The following LY75 variants were observed in gnomAD, a reference collection of about 807,000 sequenced individuals.
LY75 encodes the protein C-type lectin domain family 13 member B.
A neutral mutation model predicts 231.7 loss-of-function variants in LY75; 185 were observed. The observed-to-expected ratio is 0.80, with a 90% CI of 0.71 to 0.90. The LOEUF (loss-of-function observed/expected upper bound fraction) is 0.90. Ranked by LOEUF, LY75 falls within the 40% of genes least tolerant of loss-of-function variation. The pLI is 0.00. For missense variants in LY75, 1,947 were observed against 2,050.2 expected, an observed-to-expected ratio of 0.95 and a Z score of 0.97; for synonymous variants, 668 against 689.0, an observed-to-expected ratio of 0.97 and a Z score of 0.48.
At chr2:159,815,018 T>TTTTTG (rs1683074407) in intron 31 of LY75, among the ~76,000 whole-genome samples, 1 of 95,046 alleles carries the variant, frequency 1.1e-5, no homozygotes. Context: ...TTTTTTTTTT[T>TTTTTG]GAGACGGAGT....
chr2:159,817,918 G>A (rs1387281842), intron 29 of LY75, among the ~76,000 whole-genome samples: 1 of 151,946 alleles, frequency 6.6e-6, no homozygotes, highest in Non-Finnish European at 1.5e-5. Flanking sequence ...GCATGGTGGG[G>A]CGTGCCTGTA....
At position 159,894,054 on chromosome 2, in the gene LY75, C is replaced by T. The variant is rs759459979; in HGVS notation, c.497G>A (p.Gly166Glu). The T allele has an allele frequency of 1.1e-5, 18 of 1,612,926 alleles. No individual in the cohort carries two copies. Among genetic ancestry groups the T allele is most frequent in the Non-Finnish European group, 1.5e-5 (18 of 1,179,398 alleles). ...TAAGAATGGAAATTCACAAGGTCTC[C>T]CATAAGAGTTCCCATCTCTGGTATA... ...EIYTRDGNSYGRPCEFPFLID... is the reference protein window; with the variant it reads ...EIYTRDGNSYERPCEFPFLID... The change falls in exon 3 of 35, where the codon GGG (glycine) becomes GAG (glutamate). Residue 166 changes from glycine (G) to glutamate (E), a missense_variant. Physicochemically the swap from Gly to Glu is moderately conservative, Grantham distance 98 (BLOSUM62 -2). Coordinates refer to ENST00000263636, the MANE Select transcript of LY75 (RefSeq NM_002349.4).
intron 1 of LY75, among the ~76,000 whole-genome samples, chr2:159,901,970 G>A (rs1189657649): frequency 1.3e-5 from 2 of 152,136 alleles, no homozygotes; most frequent in Non-Finnish European, 2.9e-5. Flanking sequence ...TCAGTCTTAC[G>A]ACCCTTATTG....
At chr2:159,869,252 A>C (rs1017606814) in intron 13 of LY75, among the ~76,000 whole-genome samples, 1 of 152,008 alleles carries the variant, frequency 6.6e-6, no homozygotes, top group Non-Finnish European at 1.5e-5. Flanking sequence ...TACATACGTA[A>C]CAAACCAGCA....
At chr2:159,885,732 T>G (rs1685564467) in intron 5 of LY75, among the ~76,000 whole-genome samples, 1 of 152,228 alleles carries the variant, frequency 6.6e-6, no homozygotes, top group African/African-American at 2.4e-5. Context: ...TAAGGAAATT[T>G]AGCAAACTAA....
At chr2:159,857,824 T>C (rs1394409322) in intron 16 of LY75, among the ~76,000 whole-genome samples, 3 of 152,190 alleles carry the variant, frequency 2.0e-5, no homozygotes, top group African/African-American at 7.2e-5. Flanking sequence ...TAAAGTAAAA[T>C]GGTATCTACA....
chr2:159,869,231 T>A (rs1359644264), intron 13 of LY75, among the ~76,000 whole-genome samples: 1 of 151,234 alleles, frequency 6.6e-6, no homozygotes, highest in Non-Finnish European at 1.5e-5. Flanking sequence ...CAAACCAACA[T>A]GGCACATGTA....
At chr2:159,821,433 T>C (rs993146741) in intron 28 of LY75, among the ~76,000 whole-genome samples, 4 of 151,758 alleles carry the variant, frequency 2.6e-5, no homozygotes, top group Middle Eastern at 3.2e-3. Flanking sequence ...CTGACCAACA[T>C]GGTAAAACCC....
chr2:159,821,638 GA>G (rs1462744114), intron 28 of LY75, among the ~76,000 whole-genome samples: 493 of 30,416 alleles, frequency 0.016, 12 homozygotes, highest in Middle Eastern at 0.056. Context: ...AAAAAGAAAA[GA>G]AAAGAAAGAA....
At chr2:159,896,267 G>A (rs1018261624) in intron 2 of LY75, among the ~76,000 whole-genome samples, 7 of 152,198 alleles carry the variant, frequency 4.6e-5, no homozygotes, top group Non-Finnish European at 7.3e-5. Flanking sequence ...ACACCTGGGT[G>A]CTAGTCAAAA....
chr2:159,887,373 C>T (rs561297259), intron 4 of LY75, among the ~76,000 whole-genome samples: 12 of 151,380 alleles, frequency 7.9e-5, no homozygotes, highest in African/African-American at 2.7e-4. Context: ...GCCTGGCCAA[C>T]ACGGTGAAAC....
intron 31 of LY75, among the ~76,000 whole-genome samples, chr2:159,810,886 A>G (rs538457797): frequency 1.1e-4 from 17 of 152,370 alleles, no homozygotes; most frequent in Middle Eastern, 3.4e-3. Context: ...ATAGAAGTGG[A>G]AAGTGCCTTA....
chr2:159,904,551 C>A (rs1165413820), intron 1 of LY75, 38 bp downstream of exon 1: 1 of 1,497,972 alleles, frequency 6.7e-7, no homozygotes, highest in Non-Finnish European at 8.9e-7. Flanking sequence ...GGCGTCGAGG[C>A]ACCCAGCGGA....
chr2:159,861,473 C>T (rs1224309813), intron 14 of LY75, among the ~76,000 whole-genome samples: 1 of 152,192 alleles, frequency 6.6e-6, no homozygotes, highest in Non-Finnish European at 1.5e-5. Flanking sequence ...TTTGGCCAGG[C>T]ACAGTGACTC....
rs1384558782 is a variant in LY75, at chr2:159,815,490, A to G, written c.4464T>C (p.Cys1488=). 8.7e-6 allele frequency: 14 copies of G among 1,613,990 alleles called. No homozygotes were observed. Among genetic ancestry groups the G allele is most frequent in the Admixed American group, 1.7e-5 (1 of 59,986 alleles). Residue 1488 remains cysteine, a synonymous_variant, in exon 31 of 35, where the codon TGT becomes TGC. Coordinates refer to ENST00000263636, the MANE Select transcript of LY75 (RefSeq NM_002349.4). ...AAGTTCCTTTTGGATCCAAGAGAAC[A>G]CAATTTCCAGGAGATGTTTGGCCTT... ...PWKGQTSPGN[C]VLLDPKGTWK...
chr2:159,828,828 G>A (rs1004016972), intron 28 of LY75, among the ~76,000 whole-genome samples: 13 of 152,114 alleles, frequency 8.5e-5, no homozygotes, highest in Admixed American at 3.9e-4. Flanking sequence ...AAGGAATAAC[G>A]TACTGATACA....
intron 13 of LY75, among the ~76,000 whole-genome samples, chr2:159,867,147 G>T (rs1684881729): frequency 6.6e-6 from 1 of 152,028 alleles, no homozygotes; most frequent in African/African-American, 2.4e-5. Context: ...TGTTTCATTT[G>T]AACACAGAAA....
chr2:159,848,111 C>CACACACACACACACACACACACAA (rs1684269010), intron 23 of LY75, among the ~76,000 whole-genome samples: 1 of 142,814 alleles, frequency 7.0e-6, no homozygotes, highest in Non-Finnish European at 1.5e-5. Flanking sequence ...CACATACACA[C>CACACACACACACACACACACACAA]ACCATATATA....
chr2:159,831,837 C>A (rs760587291), intron 27 of LY75, 51 bp from the exon 28 acceptor site: 79 of 1,458,280 alleles, frequency 5.4e-5, no homozygotes, highest in Non-Finnish European at 7.4e-5. Flanking sequence ...ATCTAGTACA[C>A]TTCTATTTGA....
Sources: allele counts gnomAD v4.1 joint callset (sites outside exome capture counted in the v4.1 genomes callset), GRCh38; gene constraint gnomAD v4.1.1; transcripts MANE v1.5; gene names NCBI Gene and HGNC (gene_info 2026-07-23, HGNC 2026-07-21).